SRBD1: variants seen among roughly 807,000 people sequenced by gnomAD.
SRBD1 encodes the protein S1 RNA-binding domain-containing protein 1.
SRBD1 carries 88 observed loss-of-function variants against 115.3 expected under a neutral mutation model. The observed-to-expected ratio is 0.76, with a 90% CI of 0.64 to 0.91. The LOEUF (loss-of-function observed/expected upper bound fraction) is 0.91. Among genes scored for constraint, SRBD1 ranks in the 40% least tolerant of loss-of-function variants. The pLI is 0.00. For missense variants in SRBD1, 1,385 were observed against 1,177.4 expected, an observed-to-expected ratio of 1.18 and a Z score of -2.58; for synonymous variants, 509 against 407.7, an observed-to-expected ratio of 1.25 and a Z score of -2.99.
chr2:45,417,619 A>T (rs1471818830), intron 18 of SRBD1, among the ~76,000 whole-genome samples: 2 of 152,230 alleles, frequency 1.3e-5, no homozygotes, highest in Non-Finnish European at 2.9e-5. Flanking sequence ...AGATACGTAA[A>T]TGTTCTTCTT....
chr2:45,603,250 G>A (rs1572830863), intron 2 of SRBD1, among the ~76,000 whole-genome samples: 1 of 152,156 alleles, frequency 6.6e-6, no homozygotes, highest in East Asian at 1.9e-4. Flanking sequence ...ATACCGTTGT[G>A]TTATACATGA....
chr2:45,415,810 AGAG>A lies in SRBD1; in HGVS notation c.2334-2520_2334-2518del, dbSNP rs771702515. ...AGAGGAGAGGAGAGGAGAGGAGAGGAGAGGAGAGGAGTCTGAAACTAAAATCCC... is the reference window on the plus strand; with the variant it reads ...AGAGGAGAGGAGAGGAGAGGAGAGGAGAGAGGAGTCTGAAACTAAAATCCC... On this transcript the variant is annotated intron_variant, in intron 18 of 20. Coordinates refer to ENST00000263736, the MANE Select transcript of SRBD1 (RefSeq NM_018079.5). Among the ~76,000 whole-genome samples, 8 of 119,916 alleles carry A rather than the reference AGAG, an allele frequency of 6.7e-5. No homozygotes were observed. In the East Asian group the frequency reaches 1.4e-3, roughly 21 times the overall value. 78.7% of individuals were successfully genotyped at this position (119,916 alleles called of 152,430 possible).
At chr2:45,419,934 G>A (rs1229008410) in intron 16 of SRBD1, 40 bp from the exon 17 acceptor site, 2 of 1,537,826 alleles carry the variant, frequency 1.3e-6, no homozygotes, top group African/African-American at 1.4e-5. Flanking sequence ...TGAAGGAGAT[G>A]TAGTTCTTGG....
At chr2:45,533,625 G>A (rs899269200) in intron 14 of SRBD1, among the ~76,000 whole-genome samples, 1 of 151,952 alleles carries the variant, frequency 6.6e-6, no homozygotes, top group African/African-American at 2.4e-5. Context: ...TCAGTTTGGA[G>A]GAGTATCTAG....
rs1052514109 is a variant in SRBD1 at position 45,530,571 on chromosome 2, T to C, written c.1874+16161A>G. ...CACTGTCTCCTGTCTATGACTATGA[T>C]GGGTCATATCAAATTATTAAAGACA... On this transcript the variant is annotated intron_variant, in intron 14 of 20. Coordinates refer to ENST00000263736, the MANE Select transcript of SRBD1 (RefSeq NM_018079.5). 5.3e-5 allele frequency among the ~76,000 whole-genome samples: 8 copies of C among 152,016 alleles called. No individual in the cohort carries two copies. In the South Asian group the frequency reaches 6.2e-4, roughly 12 times the overall value.
chr2:45,565,459 C>T (rs972094739), intron 9 of SRBD1, among the ~76,000 whole-genome samples: 4 of 152,094 alleles, frequency 2.6e-5, no homozygotes, highest in African/African-American at 4.8e-5. Flanking sequence ...CCCTACTTCA[C>T]GCTATACATA....
At chr2:45,575,746 C>T (rs1673155520) in intron 7 of SRBD1, among the ~76,000 whole-genome samples, 1 of 152,144 alleles carries the variant, frequency 6.6e-6, no homozygotes, top group African/African-American at 2.4e-5. Context: ...CACTGTCTTC[C>T]AGGTTGGAGT....
intron 7 of SRBD1, among the ~76,000 whole-genome samples, chr2:45,579,320 G>C (rs1012821469): frequency 6.6e-6 from 1 of 152,114 alleles, no homozygotes; most frequent in Non-Finnish European, 1.5e-5. Context: ...TGTGAGAGTG[G>C]AGCTTCACTT....
chr2:45,599,767 A>C lies in SRBD1; in HGVS notation c.330T>G (p.Thr110=). The C allele has an allele frequency of 6.2e-7, 1 of 1,614,178 alleles. No individual in the cohort carries two copies. Residue 110 remains threonine (T), a synonymous_variant, in exon 4 of 21, where the codon ACT becomes ACG. Transcript: ENST00000263736. The part of the protein sequence containing the change: ...DRKNKLDTVQ[T]LKTAKTKQKC... ...TCTGTTTTGTCTTGGCTGTTTTCAG[A>C]GTCTGTACAGTATCCAATTTATTTT...
intron 19 of SRBD1, among the ~76,000 whole-genome samples, chr2:45,398,185 G>A (rs983206737): frequency 6.6e-6 from 1 of 152,122 alleles, no homozygotes; most frequent in Admixed American, 6.5e-5. Flanking sequence ...AACATACTAA[G>A]ATAAACATTT....
rs764776629 is a variant in SRBD1, at chr2:45,419,793, C to G, written c.2151G>C (p.Leu717Phe). The change falls in exon 17 of 21, where the codon TTG (leucine) becomes TTC (phenylalanine). Residue 717 changes from leucine to phenylalanine, a missense_variant. Leu to Phe is a conservative substitution (Grantham distance 22, BLOSUM62 0). Transcript: ENST00000263736. Reference protein sequence around the residue: ...GVDINICSEVLLRHIAGLNAN... With the variant: ...GVDINICSEVFLRHIAGLNAN... ...CAGCCACATATTTGTCTCACCTTAA[C>G]AAAACTTCTGAACAGATGTTAATAT... is the stretch of plus-strand genomic sequence containing the variant. 1 of 1,613,576 alleles carries G rather than the reference C, an allele frequency of 6.2e-7. No homozygotes were observed.
rs759760453 is a variant in SRBD1, at chr2:45,574,773, G to T, written c.1073-50C>A. ...AACAAAAACAAAAAGTATACGATTG[G>T]TTTTAAATTCTATAACTAAATCACA... On this transcript the variant is annotated intron_variant, in intron 7 of 20. Transcript: ENST00000263736. The T allele has an allele frequency of 2.7e-6, 4 of 1,471,980 alleles. No individual in the cohort carries two copies. The South Asian group carries it at 3.6e-5, about 13-fold the overall frequency. 91.2% of individuals were successfully genotyped at this position (1,471,980 alleles called of 1,614,324 possible).
chr2:45,540,367 G>C (rs1316861519), intron 14 of SRBD1, among the ~76,000 whole-genome samples: 1 of 150,864 alleles, frequency 6.6e-6, no homozygotes, highest in East Asian at 1.9e-4. Flanking sequence ...AATTAAATGA[G>C]TGGATGTCAA....
chr2:45,566,267 A>G (rs1239560998), intron 9 of SRBD1, among the ~76,000 whole-genome samples: 1 of 152,252 alleles, frequency 6.6e-6, no homozygotes, highest in African/African-American at 2.4e-5. Context: ...ACGAATGTTC[A>G]TAGCATTATT....
At chr2:45,517,893 CT>C (rs1170763591) in intron 14 of SRBD1, among the ~76,000 whole-genome samples, 1 of 151,918 alleles carries the variant, frequency 6.6e-6, no homozygotes, top group African/African-American at 2.4e-5. Flanking sequence ...CCCAGCTACT[CT>C]GGGGGCTGAG....
chr2:45,466,844 G>A (rs1669503043), intron 16 of SRBD1, among the ~76,000 whole-genome samples: 1 of 152,158 alleles, frequency 6.6e-6, no homozygotes, highest in African/African-American at 2.4e-5. Flanking sequence ...TGATTCAACA[G>A]GCCTGAGGGA....
At chr2:45,420,972 A>C (rs1667981211) in intron 16 of SRBD1, among the ~76,000 whole-genome samples, 1 of 152,182 alleles carries the variant, frequency 6.6e-6, no homozygotes, top group Admixed American at 6.5e-5. Flanking sequence ...TCTGAATCTT[A>C]ACAGAGGTTA....
chr2:45,460,694 AT>A (rs1669287049), intron 16 of SRBD1, among the ~76,000 whole-genome samples: 1 of 152,266 alleles, frequency 6.6e-6, no homozygotes, highest in Non-Finnish European at 1.5e-5. Context: ...TAGCAAAACC[AT>A]TATGAACACA....
At chr2:45,397,336 T>C (rs1007741957) in intron 19 of SRBD1, among the ~76,000 whole-genome samples, 1 of 152,232 alleles carries the variant, frequency 6.6e-6, no homozygotes, top group Non-Finnish European at 1.5e-5. Flanking sequence ...TGTTACTCTA[T>C]GTATACATTT....
Sources: allele counts gnomAD v4.1 joint callset (sites outside exome capture counted in the v4.1 genomes callset), GRCh38; gene constraint gnomAD v4.1.1; transcripts MANE v1.5; gene names NCBI Gene and HGNC (gene_info 2026-07-23, HGNC 2026-07-21).